Variants in GPR135 observed in about 807,000 individuals in gnomAD.
GPR135 encodes G-protein coupled receptor 135.
Under a neutral mutation model 15.0 loss-of-function variants are expected in GPR135, and 17 were observed. The ratio of observed to expected loss-of-function variants is 1.13; its 90% confidence interval spans 0.78 to 1.70. The LOEUF (loss-of-function observed/expected upper bound fraction) is 1.70. GPR135 is among the 40% of genes most tolerant of loss of function. The pLI, the probability that GPR135 is intolerant of heterozygous loss-of-function variation, is 0.00. For synonymous variants in GPR135, 368 were observed against 349.4 expected (o/e 1.05, Z -0.59); for missense variants, 776 against 727.0 (o/e 1.07, Z -0.78).
rs1238415502 is a variant in GPR135, at chr14:59,464,995, C to T, written c.232G>A (p.Ala78Thr). 1 of 1,398,342 alleles carries T rather than the reference C, an allele frequency of 7.2e-7. No individual in the cohort carries two copies. Among genetic ancestry groups the T allele is most frequent in the Admixed American group, 3.5e-5 (1 of 28,370 alleles). The allele number at this position is 1,398,342 out of a possible 1,614,324, so 86.6% of individuals were successfully genotyped here. ...GGGGLGGSGA[A>T]REAGAAVRRP... Reference sequence around the variant, plus strand: ...CTCACCGCCGCCCCCGCCTCCCGCGCTGCCCCGGACCCGCCAAGGCCGCCG... The same window carrying T: ...CTCACCGCCGCCCCCGCCTCCCGCGTTGCCCCGGACCCGCCAAGGCCGCCG... Residue 78 changes from alanine (A) to threonine (T), a missense_variant, in exon 1 of 1, where the codon GCG becomes ACG. Physicochemically the swap from Ala to Thr is moderately conservative, Grantham distance 58. Coordinates refer to ENST00000395116, the MANE Select transcript of GPR135 (RefSeq NM_022571.6).
rs748101215 is a variant in GPR135 at position 59,464,602 on chromosome 14, G to C, written c.625C>G (p.Arg209Gly). The change falls in exon 1 of 1, where the codon CGT (arginine) becomes GGT (glycine). Residue 209 changes from arginine to glycine, a missense_variant. Coordinates refer to ENST00000395116, the MANE Select transcript of GPR135 (RefSeq NM_022571.6). ...TLSVALISLD[R>G]YCAIVRPPRE... ...GGCGGCCGCACGATAGCGCAGTAAC[G>C]GTCCAACGAGATGAGCGCCACGCTG... is the stretch of plus-strand genomic sequence containing the variant. The C allele has an allele frequency of 2.5e-6, 4 of 1,595,694 alleles. No individual in the cohort carries two copies. Among genetic ancestry groups the C allele is most frequent in the Non-Finnish European group, 3.4e-6 (4 of 1,177,782 alleles).
At chr14:59,456,127 A>G (rs1594889942), downstream of GPR135, among the ~76,000 whole-genome samples, 1 of 152,186 alleles carries the variant, frequency 6.6e-6, no homozygotes, top group East Asian at 1.9e-4. Flanking sequence ...GAAACCTGCA[A>G]GTCCAGGATG....
chr14:59,462,653 G>A lies in GPR135; in HGVS notation c.*1089C>T, dbSNP rs1207356648. 5 of 152,082 alleles carry A rather than the reference G, an allele frequency of 3.3e-5. No homozygotes were observed. Among genetic ancestry groups the A allele is most frequent in the East Asian group, 1.9e-4 (1 of 5,200 alleles). 9.4% of individuals were successfully genotyped at this position (152,082 alleles called of 1,614,324 possible). A position where few individuals can be genotyped will look rare whatever the true frequency, so the allele number is the denominator to read the frequency against. On this transcript the variant is annotated 3_prime_UTR_variant, in exon 1 of 1. Coordinates refer to ENST00000395116, the MANE Select transcript of GPR135 (RefSeq NM_022571.6). ...GTATGATCTATTTGGAAAAGTCTAC[G>A]CTAATTCCAAGAGGCTGCTTCTCAA...
downstream of GPR135, among the ~76,000 whole-genome samples, chr14:59,457,252 T>C (rs1888685560): frequency 6.6e-6 from 1 of 152,230 alleles, no homozygotes; most frequent in African/African-American, 2.4e-5. Context: ...TCTTTGTCTC[T>C]CAGCATTTTT....
chr14:59,459,529 A>G (rs1444344200), downstream of GPR135, among the ~76,000 whole-genome samples: 1 of 152,272 alleles, frequency 6.6e-6, no homozygotes, highest in Non-Finnish European at 1.5e-5. Context: ...ATGGATGACA[A>G]CTGAGGACTT....
chr14:59,454,295 T>C, intron 6 of GPR135, among the ~76,000 whole-genome samples: 1 of 152,220 alleles, frequency 6.6e-6, no homozygotes, highest in East Asian at 1.9e-4. Flanking sequence ...GTCCAAGTTC[T>C]TCAATTTTGG....
Position 59,465,164 on chromosome 14 carries a change from G to C in GPR135, c.63C>G (p.Ser21=), listed in dbSNP as rs1196190130. 2.3e-6 allele frequency: 3 copies of C among 1,330,042 alleles called. No homozygotes were observed. Among genetic ancestry groups the C allele is most frequent in the African/African-American group, 3.0e-5 (2 of 65,726 alleles). The allele number at this position is 1,330,042 out of a possible 1,614,324, so 82.4% of individuals were successfully genotyped here. A position where few individuals can be genotyped will look rare whatever the true frequency, so the allele number is the denominator to read the frequency against. The change falls in exon 1 of 1, where the codon TCC becomes TCG. Residue 21 remains serine (S), a synonymous_variant. Transcript: ENST00000395116. The part of the protein sequence containing the change: ...ASMALLGSQH[S]GAPSAAGPPG... ...GTGGGCCGGCCGCGGAGGGGGCGCC[G>C]GAGTGCTGGCTGCCCAGTAAGGCCA... is the stretch of plus-strand genomic sequence containing the variant.
Position 59,464,395 on chromosome 14 carries a change from T to C in GPR135, c.832A>G (p.Ser278Gly). The C allele has an allele frequency of 6.2e-7, 1 of 1,601,698 alleles. No homozygotes were observed. Among genetic ancestry groups the C allele is most frequent in the South Asian group, 1.1e-5 (1 of 89,658 alleles). Residue 278 changes from serine to glycine, a missense_variant, in exon 1 of 1, where the codon AGC becomes GGC. Ser to Gly is a moderately conservative substitution (Grantham distance 56). Transcript: ENST00000395116. The part of the protein sequence containing the change: ...PDPAQLGAAF[S>G]VGLVVACYLL... ...TAGCAGGCCACCACCAGCCCCACGC[T>C]GAAGGCCGCGCCCAGCTGCGCGGGG...
chr14:59,464,705 GGCAGGCGC>G lies in GPR135; in HGVS notation c.514_521del (p.Ala172ArgfsTer235). On this transcript the variant is annotated frameshift_variant, in exon 1 of 1. Coordinates refer to ENST00000395116, the MANE Select transcript of GPR135 (RefSeq NM_022571.6). LOFTEE classifies it high-confidence loss of function. ...AGCCGCGCCAGGGCCCCGCGGCGGC[GGCAGGCGC>G]CGAACCCCCGGGCGGAGTGAAGAGG... 6.4e-7 allele frequency: 1 copy of G among 1,568,778 alleles called. No individual in the cohort carries two copies. The highest frequency in any genetic ancestry group is 8.6e-7 in the Non-Finnish European group (1 of 1,160,770).
At chr14:59,457,870 T>G (rs1257797238), downstream of GPR135, among the ~76,000 whole-genome samples, 1 of 152,206 alleles carries the variant, frequency 6.6e-6, no homozygotes, top group East Asian at 1.9e-4. Flanking sequence ...GTTCATATTT[T>G]CCTATTTCTG....
rs1200523929 is a variant in GPR135 at position 59,463,848 on chromosome 14, C to T, written c.1379G>A (p.Trp460Ter). ...ASGVAGDVAMWARKNPVVLFC... is the reference protein window; with the variant it reads ...ASGVAGDVAM ...AAGTACAACTGGATTTTTGCGGGCC[C>T]ACATGGCCACGTCCCCTGCCACTCC... The change falls in exon 1 of 1, where the codon TGG becomes TAG. Residue 460 changes from tryptophan (W) to a stop codon, truncating the protein, a stop_gained. Transcript: ENST00000395116. LOFTEE classifies it high-confidence loss of function. 6.2e-7 allele frequency: 1 copy of T among 1,614,014 alleles called. No individual in the cohort carries two copies. The highest frequency in any genetic ancestry group is 8.5e-7 in the Non-Finnish European group (1 of 1,179,990).
downstream of GPR135, among the ~76,000 whole-genome samples, chr14:59,458,117 G>A (rs1278153602): frequency 1.3e-5 from 2 of 152,186 alleles, no homozygotes. Flanking sequence ...GCTTCTGGTG[G>A]TGTTCTTCAG....
rs1488893201 is a variant in GPR135, at chr14:59,462,714, G to A, written c.*1028C>T. The A allele has an allele frequency of 6.6e-6, 1 of 152,136 alleles. No individual in the cohort carries two copies. Among genetic ancestry groups the A allele is most frequent in the Non-Finnish European group, 1.5e-5 (1 of 68,006 alleles). The allele number at this position is 152,136 out of a possible 1,614,324, so 9.4% of individuals were successfully genotyped here. Reference sequence around the variant, plus strand: ...GAATTTCTCTTTGGAATCGTTTTCAGTTAGCTAAAAGCCACGTAGGAAACC... The same window carrying A: ...GAATTTCTCTTTGGAATCGTTTTCAATTAGCTAAAAGCCACGTAGGAAACC... On this transcript the variant is annotated 3_prime_UTR_variant, in exon 1 of 1. Transcript: ENST00000395116.
In GPR135 at chr14:59,464,485, C is replaced by T. The variant is rs907616963; in HGVS notation, c.742G>A (p.Gly248Arg). The T allele has an allele frequency of 6.5e-7, 1 of 1,541,844 alleles. No individual in the cohort carries two copies. The highest frequency in any genetic ancestry group is 2.4e-5 in the East Asian group (1 of 41,640). Residue 248 changes from glycine (G) to arginine (R), a missense_variant, in exon 1 of 1, where the codon GGG becomes AGG. By Grantham distance (125) the Gly-to-Arg change is moderately radical (BLOSUM62 -2). Transcript: ENST00000395116. ...LGFSLPWELL[G>R]APRELAAAQS... is the part of the protein sequence containing the mutation. ...GCCGCCGCGAGTTCCCGGGGCGCCCCGAGCAGCTCCCAGGGCAAGGAGAAG... is the reference window on the plus strand; with the variant it reads ...GCCGCCGCGAGTTCCCGGGGCGCCCTGAGCAGCTCCCAGGGCAAGGAGAAG...
intron 6 of GPR135, among the ~76,000 whole-genome samples, chr14:59,453,434 A>G (rs1888554503): frequency 6.6e-6 from 1 of 152,240 alleles, no homozygotes; most frequent in African/African-American, 2.4e-5. Context: ...AAAAGATGCC[A>G]TGTTTGAAGA....
In GPR135 at chr14:59,464,444, G is replaced by A. The variant is rs1383514098; in HGVS notation, c.783C>T (p.Gly261=). The A allele has an allele frequency of 6.4e-7, 1 of 1,563,756 alleles. No individual in the cohort carries two copies. The highest frequency in any genetic ancestry group is 8.6e-7 in the Non-Finnish European group (1 of 1,158,122). Residue 261 remains glycine (G), a synonymous_variant, in exon 1 of 1, where the codon GGC becomes GGT. Transcript: ENST00000395116. ...GGTCCGGGGAGGTCCGGTAGAGGCAGCCGTGGAAGCTCTGCGCCGCCGCGA... is the reference window on the plus strand; with the variant it reads ...GGTCCGGGGAGGTCCGGTAGAGGCAACCGTGGAAGCTCTGCGCCGCCGCGA... ...RELAAAQSFH[G]CLYRTSPDPA...
rs765114986 is a variant in GPR135 at position 59,463,700 on chromosome 14, C to T, written c.*42G>A. ...CAGAATCTTCCATCATTAAATAATG[C>T]GAGTGGAAATTTGCCTTCATAAGCT... On this transcript the variant is annotated 3_prime_UTR_variant, in exon 1 of 1. Coordinates refer to ENST00000395116, the MANE Select transcript of GPR135 (RefSeq NM_022571.6). 1 of 1,504,038 alleles carries T rather than the reference C, an allele frequency of 6.6e-7. No individual in the cohort carries two copies. Among genetic ancestry groups the T allele is most frequent in the Non-Finnish European group, 8.9e-7 (1 of 1,119,346 alleles). 93.2% of individuals were successfully genotyped at this position (1,504,038 alleles called of 1,614,324 possible). A position where few individuals can be genotyped will look rare whatever the true frequency, so the allele number is the denominator to read the frequency against.
chr14:59,454,720 C>T (rs994897385), intron 6 of GPR135, among the ~76,000 whole-genome samples: 1 of 151,954 alleles, frequency 6.6e-6, no homozygotes, highest in African/African-American at 2.4e-5. Context: ...ATAATAAGTC[C>T]AAGAGAACAC....
downstream of GPR135, among the ~76,000 whole-genome samples, chr14:59,459,868 A>G (rs1462370627): frequency 1.3e-5 from 2 of 152,200 alleles, no homozygotes; most frequent in Non-Finnish European, 2.9e-5. Context: ...AACAGAAGTA[A>G]TAGATAGCAT....
Sources: gnomAD v4.1 joint callset for allele counts (sites outside exome capture counted in the v4.1 genomes callset) on GRCh38, gnomAD v4.1.1 for gene constraint, MANE v1.5 for transcripts, NCBI Gene and HGNC (gene_info 2026-07-23, HGNC 2026-07-21) for gene names.